The following KCNH7 variants were observed in gnomAD, a reference collection of about 807,000 sequenced individuals.
KCNH7 encodes the protein potassium voltage-gated channel subfamily H member 7.
KCNH7 carries 49 observed loss-of-function variants against 120.8 expected under a neutral mutation model. The observed-to-expected ratio is 0.41, with a 90% CI of 0.32 to 0.51. The LOEUF is 0.51. Ranked by LOEUF, KCNH7 falls within the 20% of genes least tolerant of loss-of-function variation. The pLI is 0.38. For missense variants in KCNH7, 1,097 were observed against 1,446.6 expected, an observed-to-expected ratio of 0.76 and a Z score of 3.92; for synonymous variants, 547 against 516.1, an observed-to-expected ratio of 1.06 and a Z score of -0.81.
At chr2:162,758,868 G>T (rs1410953725) in intron 2 of KCNH7, among the ~76,000 whole-genome samples, 1 of 152,110 alleles carries the variant, frequency 6.6e-6, no homozygotes, top group Non-Finnish European at 1.5e-5. Flanking sequence ...GATTTGCTAT[G>T]CACAGGAGAA....
At chr2:162,599,168 G>A (rs1694471338) in intron 2 of KCNH7, among the ~76,000 whole-genome samples, 2 of 151,732 alleles carry the variant, frequency 1.3e-5, no homozygotes. Flanking sequence ...TCATGTCACT[G>A]CACTCTAGCC....
intron 2 of KCNH7, among the ~76,000 whole-genome samples, chr2:162,672,928 A>AT (rs1244007815): frequency 6.6e-6 from 1 of 152,004 alleles, no homozygotes; most frequent in Non-Finnish European, 1.5e-5. Flanking sequence ...TAAACCAAAC[A>AT]TTTTGAGAAT....
At chr2:162,628,708 T>C (rs1407496244) in intron 2 of KCNH7, among the ~76,000 whole-genome samples, 3 of 152,036 alleles carry the variant, frequency 2.0e-5, no homozygotes, top group Non-Finnish European at 4.4e-5. Context: ...TTTTTTTTGT[T>C]GTTGTTGCTG....
intron 2 of KCNH7, among the ~76,000 whole-genome samples, chr2:162,675,776 A>T (rs1685512826): frequency 6.6e-6 from 1 of 151,578 alleles, no homozygotes; most frequent in Non-Finnish European, 1.5e-5. Context: ...TGAGTAGTGG[A>T]TACTTGCGTA....
chr2:162,822,461 T>C (rs191172293), intron 2 of KCNH7, among the ~76,000 whole-genome samples: 1 of 152,264 alleles, frequency 6.6e-6, no homozygotes, highest in African/African-American at 2.4e-5. Flanking sequence ...AAAGGTAACA[T>C]ATCACACAAT....
intron 2 of KCNH7, among the ~76,000 whole-genome samples, chr2:162,703,067 C>T (rs146770883): frequency 4.7e-4 from 72 of 152,130 alleles, no homozygotes; most frequent in African/African-American, 1.6e-3. Context: ...GTTGAATAAA[C>T]GATTTATTTT....
At chr2:162,518,645 A>G (rs1185194849) in intron 3 of KCNH7, among the ~76,000 whole-genome samples, 3 of 151,718 alleles carry the variant, frequency 2.0e-5, no homozygotes, top group East Asian at 3.9e-4. Flanking sequence ...TAGACCTTGC[A>G]TATTTAGAAT....
chr2:162,771,774 C>G (rs534049687), intron 2 of KCNH7, among the ~76,000 whole-genome samples: 27 of 151,970 alleles, frequency 1.8e-4, no homozygotes, highest in Admixed American at 4.6e-4. Context: ...TATCTTTAGA[C>G]TATCTCCATT....
chr2:162,663,537 G>T (rs1685040519), intron 2 of KCNH7, among the ~76,000 whole-genome samples: 1 of 152,014 alleles, frequency 6.6e-6, no homozygotes, highest in East Asian at 1.9e-4. Context: ...TGATTAGTTT[G>T]CTCTTTGAGA....
intron 2 of KCNH7, among the ~76,000 whole-genome samples, chr2:162,657,433 G>A (rs550473449): frequency 9.9e-5 from 15 of 152,128 alleles, no homozygotes; most frequent in African/African-American, 2.2e-4. Context: ...TCAAATAGGC[G>A]TTTTCACTTA....
At chr2:162,535,524 T>C (rs1692075734) in intron 3 of KCNH7, among the ~76,000 whole-genome samples, 1 of 151,806 alleles carries the variant, frequency 6.6e-6, no homozygotes, top group East Asian at 1.9e-4. Context: ...TTTTAAGACA[T>C]TCCTGAAAGA....
chr2:162,694,758 T>G (rs963491773), intron 2 of KCNH7, among the ~76,000 whole-genome samples: 11 of 152,040 alleles, frequency 7.2e-5, no homozygotes, highest in African/African-American at 2.4e-4. Context: ...ATTTTTTTTT[T>G]TTTTAGACGG....
intron 2 of KCNH7, among the ~76,000 whole-genome samples, chr2:162,579,234 C>A (rs1693791284): frequency 6.6e-6 from 1 of 152,024 alleles, no homozygotes; most frequent in Non-Finnish European, 1.5e-5. Context: ...TGAAGCTCGT[C>A]TCTCCTCAAG....
At chr2:162,601,389 ACTT>A (rs1694547546) in intron 2 of KCNH7, among the ~76,000 whole-genome samples, 1 of 39,572 alleles carries the variant, frequency 2.5e-5, no homozygotes, top group South Asian at 8.2e-4. Context: ...TTAAAAAAGT[ACTT>A]CTTGTGCTTT....
chr2:162,387,955 A>G (rs1172930492), intron 12 of KCNH7, among the ~76,000 whole-genome samples: 1 of 151,830 alleles, frequency 6.6e-6, no homozygotes. Context: ...TTGGTCAAAG[A>G]GAAGCATTTA....
chr2:162,748,721 T>G (rs1057462192), intron 2 of KCNH7, among the ~76,000 whole-genome samples: 4 of 152,156 alleles, frequency 2.6e-5, no homozygotes, highest in Admixed American at 2.6e-4. Context: ...CCAATGACTC[T>G]AAAGATTATG....
intron 6 of KCNH7, 143 bp downstream of exon 6, chr2:162,504,300 A>G (rs1374281315): frequency 1.6e-6 from 1 of 639,946 alleles, no homozygotes; most frequent in Non-Finnish European, 2.8e-6. Context: ...TTAGAGAGTT[A>G]CCCAACATCT....
intron 2 of KCNH7, among the ~76,000 whole-genome samples, chr2:162,542,518 G>A (rs1340359961): frequency 6.7e-6 from 1 of 149,588 alleles, no homozygotes; most frequent in African/African-American, 2.5e-5. Context: ...TTTTGTCCTT[G>A]CGATAGTTTA....
At chr2:162,524,409 C>CTG (rs1227188867) in intron 3 of KCNH7, among the ~76,000 whole-genome samples, 3 of 152,014 alleles carry the variant, frequency 2.0e-5, no homozygotes, top group Non-Finnish European at 4.4e-5. Flanking sequence ...GTACCTGGAA[C>CTG]AGCTGGTATT....
Sources: gnomAD v4.1 joint callset for allele counts (sites outside exome capture counted in the v4.1 genomes callset) on GRCh38, gnomAD v4.1.1 for gene constraint, MANE v1.5 for transcripts, NCBI Gene and HGNC (gene_info 2026-07-23, HGNC 2026-07-21) for gene names.